The following PDE1C variants were observed in gnomAD, a reference collection of about 807,000 sequenced individuals.
PDE1C encodes dual specificity calcium/calmodulin-dependent 3',5'-cyclic nucleotide phosphodiesterase 1C.
Under a neutral mutation model 93.1 loss-of-function variants are expected in PDE1C, and 62 were observed. The observed-to-expected ratio is 0.67, with a 90% CI of 0.54 to 0.82. PDE1C has a LOEUF of 0.82. PDE1C is among the 40% of genes least tolerant of loss of function. The pLI is 0.00. For synonymous variants in PDE1C, 325 were observed against 310.1 expected (o/e 1.05, Z -0.50); for missense variants, 742 against 884.6 (o/e 0.84, Z 2.04).
chr7:32,045,568 T>C (rs1003188539), intron 2 of PDE1C, among the ~76,000 whole-genome samples: 4 of 152,182 alleles, frequency 2.6e-5, no homozygotes, highest in African/African-American at 9.7e-5. Flanking sequence ...GCAGGATTGG[T>C]TGTGCATTAA....
rs185333720 is a variant in PDE1C, at chr7:32,349,210, C to T, written c.310+78612G>A. 2.0e-5 allele frequency among the ~76,000 whole-genome samples: 3 copies of T among 152,320 alleles called. No homozygotes were observed. The East Asian group carries it at 5.8e-4, about 29-fold the overall frequency. On this transcript the variant is annotated intron_variant, in intron 1 of 1. Transcript: ENST00000672256. ...CACAGACTTGGGCCAAATATTACTC[C>T]ATTCAGTTTAGTTCATCTCTATTGA...
the PDE1C span, among the ~76,000 whole-genome samples, chr7:31,623,732 A>C: frequency 7.0e-6 from 1 of 143,858 alleles, no homozygotes; most frequent in Admixed American, 7.2e-5. Flanking sequence ...AACCTCTATC[A>C]CCACGCCTAT....
intron 1 of PDE1C, among the ~76,000 whole-genome samples, chr7:32,334,479 G>T (rs1343712989): frequency 2.0e-5 from 3 of 151,996 alleles, no homozygotes; most frequent in Admixed American, 1.3e-4. Context: ...GGTGGTGTTT[G>T]GTTACATGAG....
the PDE1C span, among the ~76,000 whole-genome samples, chr7:31,654,655 T>C: frequency 6.6e-6 from 1 of 152,136 alleles, no homozygotes; most frequent in Non-Finnish European, 1.5e-5. Context: ...CCAGTGGAAA[T>C]GCAGGGAATG....
intron 2 of PDE1C, among the ~76,000 whole-genome samples, chr7:31,923,958 T>A (rs1803002031): frequency 6.6e-6 from 1 of 152,192 alleles, no homozygotes; most frequent in Non-Finnish European, 1.5e-5. Flanking sequence ...TAAGATGAAC[T>A]TTTTTTCTAT....
At chr7:31,706,520 T>G in the PDE1C span, among the ~76,000 whole-genome samples, 1 of 152,182 alleles carries the variant, frequency 6.6e-6, no homozygotes, top group African/African-American at 2.4e-5. Flanking sequence ...TCAGTACACT[T>G]TCCTTATTTT....
Position 32,092,999 on chromosome 7 carries a change from C to G in PDE1C, c.308+76786G>C, listed in dbSNP as rs73100617. ...CCACAGCTGTCTCTAAGGTGACAGG[C>G]TATCCTGTCTGCTGGGGACTAAGAG... On this transcript the variant is annotated intron_variant, in intron 3 of 18. Coordinates refer to the PDE1C transcript ENST00000396193. Among the ~76,000 whole-genome samples, 1,272 of 152,314 alleles carry G rather than the reference C, an allele frequency of 8.4e-3. 9 individuals are homozygous for G. Among genetic ancestry groups the G allele is most frequent in the Non-Finnish European group, 0.014 (960 of 68,030 alleles).
At chr7:31,707,294 C>T in the PDE1C span, 58 of 1,607,684 alleles carry the variant, frequency 3.6e-5, no homozygotes, top group Non-Finnish European at 4.9e-5. Context: ...AGATAGTTCC[C>T]CTGAGACCAC....
chr7:32,124,788 A>G (rs1469057380), intron 3 of PDE1C, among the ~76,000 whole-genome samples: 4 of 152,186 alleles, frequency 2.6e-5, no homozygotes, highest in African/African-American at 7.2e-5. Flanking sequence ...GAAAACCTCA[A>G]TACCATTCAG....
intron 3 of PDE1C, among the ~76,000 whole-genome samples, chr7:32,163,286 T>A (rs1256192572): frequency 6.6e-6 from 1 of 152,120 alleles, no homozygotes; most frequent in Admixed American, 6.5e-5. Context: ...CCATGCCATA[T>A]CATCAGCCAG....
intron 7 of PDE1C, among the ~76,000 whole-genome samples, chr7:31,851,100 AT>A (rs1288587956): frequency 0.11 from 307 of 2,688 alleles, 1 homozygote; most frequent in Middle Eastern, 0.25. Context: ...ACACACACAC[AT>A]AAAAAAATTA....
chr7:31,800,848 C>T (rs1785921571), intron 16 of PDE1C, among the ~76,000 whole-genome samples: 1 of 151,128 alleles, frequency 6.6e-6, no homozygotes, highest in African/African-American at 2.4e-5. Context: ...TGTCACCTGT[C>T]TCTGGAAAAT....
At chr7:32,108,778 A>G (rs1214098430) in intron 3 of PDE1C, among the ~76,000 whole-genome samples, 2 of 152,202 alleles carry the variant, frequency 1.3e-5, no homozygotes, top group Non-Finnish European at 2.9e-5. Context: ...TATAAGCCCA[A>G]GTGCCCTCTG....
At chr7:32,112,355 G>T (rs1293288971) in intron 3 of PDE1C, among the ~76,000 whole-genome samples, 1 of 151,584 alleles carries the variant, frequency 6.6e-6, no homozygotes, top group Admixed American at 6.6e-5. Flanking sequence ...AACGATAAAT[G>T]ATCCAACTTC....
intron 1 of PDE1C, among the ~76,000 whole-genome samples, chr7:32,313,907 TAATAA>T (rs933295661): frequency 2.0e-5 from 3 of 151,788 alleles, no homozygotes; most frequent in South Asian, 4.2e-4. Flanking sequence ...AGTATAATAA[TAATAA>T]AATAAAATAA....
At chr7:32,114,549 C>T (rs6948312) in intron 3 of PDE1C, among the ~76,000 whole-genome samples, 3,281 of 152,252 alleles carry the variant, frequency 0.022, 125 homozygotes, top group African/African-American at 0.076. Flanking sequence ...ATTCAGGACA[C>T]AGGCATGAGC....
At chr7:31,798,027 C>A (rs1294189262) in intron 16 of PDE1C, among the ~76,000 whole-genome samples, 1 of 151,522 alleles carries the variant, frequency 6.6e-6, no homozygotes, top group Non-Finnish European at 1.5e-5. Context: ...TCAAGATATT[C>A]TACCTTAAGA....
At chr7:32,264,962 C>T (rs1360844655) in intron 1 of PDE1C, among the ~76,000 whole-genome samples, 6 of 152,188 alleles carry the variant, frequency 3.9e-5, no homozygotes, top group Non-Finnish European at 5.9e-5. Flanking sequence ...AGCCAAATTA[C>T]ATTTCCCTTT....
chr7:32,256,270 GT>G (rs1470872237), intron 1 of PDE1C, among the ~76,000 whole-genome samples: 1 of 152,218 alleles, frequency 6.6e-6, no homozygotes, highest in Non-Finnish European at 1.5e-5. Context: ...TTAACAGCTT[GT>G]TTGATGGAGT....
Sources: gnomAD v4.1 joint callset for allele counts (sites outside exome capture counted in the v4.1 genomes callset) on GRCh38, gnomAD v4.1.1 for gene constraint, MANE v1.5 for transcripts, NCBI Gene and HGNC (gene_info 2026-07-23, HGNC 2026-07-21) for gene names.